Variants in MMP26 observed in about 807,000 individuals in gnomAD.
The protein encoded by MMP26 is matrix metalloproteinase-26.
Under a neutral mutation model 31.0 loss-of-function variants are expected in MMP26, and 33 were observed. That is an observed-to-expected ratio of 1.06 (90% CI 0.81 to 1.42). The LOEUF is 1.42. Ranked by LOEUF, MMP26 falls within the 40% of genes most tolerant of loss-of-function variation. MMP26 has a pLI of 0.00. For synonymous variants in MMP26, 122 were observed against 114.9 expected (o/e 1.06, Z -0.40); for missense variants, 347 against 316.1 (o/e 1.10, Z -0.74).
intron 2 of MMP26, chr11:4,914,353 G>C (rs1414883950): frequency 5.7e-6 from 1 of 174,258 alleles, no homozygotes; most frequent in East Asian, 1.6e-4. Flanking sequence ...GAGAGAGAGA[G>C]AAGATACATG....
intron 2 of MMP26, among the ~76,000 whole-genome samples, chr11:4,951,456 A>G (rs945032030): frequency 3.2e-5 from 4 of 125,078 alleles, no homozygotes; most frequent in African/African-American, 1.1e-4. Context: ...TTCTTAGATT[A>G]TCATTTAGTG....
At chr11:4,848,000 C>T in intron 2 of MMP26, 3 of 492,008 alleles carry the variant, frequency 6.1e-6, no homozygotes, top group Non-Finnish European at 1.1e-5. Context: ...AAGATCTGGA[C>T]TCTGGCCCTT....
intron 2 of MMP26, chr11:4,907,326 T>C (rs1227594657): frequency 7.4e-7 from 1 of 1,345,438 alleles, no homozygotes; most frequent in South Asian, 1.2e-5. Flanking sequence ...GCTTTTCATT[T>C]ATATGGTTTC....
At chr11:4,764,104 C>A (rs1848599708) in intron 1 of MMP26, among the ~76,000 whole-genome samples, 1 of 152,020 alleles carries the variant, frequency 6.6e-6, no homozygotes, top group South Asian at 2.1e-4. Context: ...CTCTGTTGAC[C>A]TGCAGGAAAG....
intron 2 of MMP26, among the ~76,000 whole-genome samples, chr11:4,819,154 GT>G (rs1211075668): frequency 1.3e-5 from 2 of 152,094 alleles, no homozygotes; most frequent in East Asian, 3.8e-4. Context: ...AACATAGGAG[GT>G]TTTCTTATTT....
At chr11:4,743,409 G>A (rs996120684) in intron 1 of MMP26, among the ~76,000 whole-genome samples, 1 of 152,104 alleles carries the variant, frequency 6.6e-6, no homozygotes, top group African/African-American at 2.4e-5. Flanking sequence ...TTATATAATA[G>A]GGGCTGTTAG....
chr11:4,892,382 A>C (rs1850638133), intron 2 of MMP26, among the ~76,000 whole-genome samples: 1 of 152,138 alleles, frequency 6.6e-6, no homozygotes, highest in Admixed American at 6.6e-5. Flanking sequence ...CTTCCCTTCT[A>C]ATCACTCCAA....
chr11:4,892,804 C>T (rs1850645594), intron 2 of MMP26, among the ~76,000 whole-genome samples: 1 of 152,092 alleles, frequency 6.6e-6, no homozygotes, highest in South Asian at 2.1e-4. Flanking sequence ...GAGCAGAGTA[C>T]ATTGATGTAT....
chr11:4,804,806 C>CCAAAAAA (rs369315261), intron 2 of MMP26, among the ~76,000 whole-genome samples: 11 of 146,102 alleles, frequency 7.5e-5, no homozygotes, highest in African/African-American at 2.3e-4. Flanking sequence ...CAAAACAAAA[C>CCAAAAAA]AAAAAAAAAC....
At chr11:4,791,200 C>T (rs1178782960) in intron 2 of MMP26, among the ~76,000 whole-genome samples, 1 of 152,166 alleles carries the variant, frequency 6.6e-6, no homozygotes, top group Non-Finnish European at 1.5e-5. Context: ...ATTCAAATGC[C>T]TGCAATGCAG....
chr11:4,713,887 C>T (rs1444254853), intron 1 of MMP26, among the ~76,000 whole-genome samples: 1 of 151,720 alleles, frequency 6.6e-6, no homozygotes, highest in African/African-American at 2.4e-5. Flanking sequence ...AACAGCAGTC[C>T]CTTCATGGAA....
intron 2 of MMP26, among the ~76,000 whole-genome samples, chr11:4,883,531 A>C (rs140973840): frequency 6.6e-6 from 1 of 152,142 alleles, no homozygotes; most frequent in African/African-American, 2.4e-5. Flanking sequence ...TCCATCCAAT[A>C]TATAAAATTA....
intron 2 of MMP26, among the ~76,000 whole-genome samples, chr11:4,828,588 GA>G (rs1053548745): frequency 6.6e-6 from 1 of 152,082 alleles, no homozygotes; most frequent in African/African-American, 2.4e-5. Context: ...TTTATTATCA[GA>G]AAAGGTATTT....
intron 2 of MMP26, among the ~76,000 whole-genome samples, chr11:4,874,845 C>T (rs1850358153): frequency 2.6e-5 from 4 of 152,178 alleles, no homozygotes; most frequent in African/African-American, 9.6e-5. Flanking sequence ...AAATAGTAGA[C>T]ATTAATGTCT....
At chr11:4,967,568 T>A (rs146988511) in intron 2 of MMP26, among the ~76,000 whole-genome samples, 11 of 152,314 alleles carry the variant, frequency 7.2e-5, no homozygotes, top group Admixed American at 7.2e-4. Context: ...AGGGAACTTC[T>A]TTACTGGGAA....
chr11:4,969,872 T>C (rs1846642357), intron 2 of MMP26, among the ~76,000 whole-genome samples: 1 of 152,168 alleles, frequency 6.6e-6, no homozygotes, highest in African/African-American at 2.4e-5. Flanking sequence ...TACGCCTATG[T>C]CAAGTAAATT....
At chr11:4,791,120 C>T (rs1314268992) in intron 2 of MMP26, among the ~76,000 whole-genome samples, 1 of 152,106 alleles carries the variant, frequency 6.6e-6, no homozygotes, top group African/African-American at 2.4e-5. Context: ...AAATCTGAAG[C>T]GTACATAAAT....
chr11:4,775,486 A>G (rs1405767424), intron 2 of MMP26, among the ~76,000 whole-genome samples: 3 of 152,326 alleles, frequency 2.0e-5, no homozygotes, highest in African/African-American at 4.8e-5. Context: ...TGACTGCTCA[A>G]TGATATATCA....
At chr11:4,929,064 A>G (rs1458370073) in intron 2 of MMP26, among the ~76,000 whole-genome samples, 1 of 152,188 alleles carries the variant, frequency 6.6e-6, no homozygotes, top group Non-Finnish European at 1.5e-5. Context: ...CGTTAAGTGA[A>G]TGAAACTACT....
Sources: allele counts gnomAD v4.1 joint callset (sites outside exome capture counted in the v4.1 genomes callset), GRCh38; gene constraint gnomAD v4.1.1; transcripts MANE v1.5; gene names NCBI Gene and HGNC (gene_info 2026-07-23, HGNC 2026-07-21).